Variants in DNMT3B observed in about 807,000 individuals in gnomAD.
DNMT3B encodes DNA methyltransferase 3 beta, also known as DNA (cytosine-5)-methyltransferase 3B.
In DNMT3B, 37 loss-of-function variants were observed where a neutral mutation model predicts 120.2. That is an observed-to-expected ratio of 0.31 (90% CI 0.24 to 0.40). The LOEUF (loss-of-function observed/expected upper bound fraction) is 0.40. DNMT3B is among the 10% of genes least tolerant of loss of function. The pLI, the probability that DNMT3B is intolerant of heterozygous loss-of-function variation, is 1.00. For missense variants in DNMT3B, 878 were observed against 1,137.3 expected (o/e 0.77, Z 3.28); for synonymous variants, 412 against 442.8 (o/e 0.93, Z 0.87).
intron 4 of DNMT3B, among the ~76,000 whole-genome samples, chr20:32,785,201 G>A (rs1460952055): frequency 2.0e-5 from 3 of 151,840 alleles, no homozygotes; most frequent in Non-Finnish European, 2.9e-5. Flanking sequence ...CACCACACCC[G>A]GCCAGTTTTT....
At position 32,781,432 on chromosome 20, in the gene DNMT3B, C is replaced by G. The variant is rs1416236344; in HGVS notation, c.204+18C>G. 3.7e-6 allele frequency: 6 copies of G among 1,613,968 alleles called. No homozygotes were observed. The highest frequency in any genetic ancestry group is 3.4e-6 in the Non-Finnish European group (4 of 1,179,938). On this transcript the variant is annotated intron_variant, in intron 3 of 22. Transcript: ENST00000328111. The stretch of plus-strand genomic sequence containing the variant: ...ACACACAGGTATGGTCTCTGCTCTC[C>G]CTTTTTCAGGGCTCAGGGACTTTGT...
At position 32,780,438 on chromosome 20, in the gene DNMT3B, G is replaced by C. The variant is rs374913902; in HGVS notation, c.115G>C (p.Glu39Gln). The change falls in exon 2 of 23, where the codon GAG (glutamate) becomes CAG (glutamine). Residue 39 changes from glutamate (E) to glutamine (Q), a missense_variant. By Grantham distance (29) the Glu-to-Gln change is conservative. Coordinates refer to ENST00000328111, the MANE Select transcript of DNMT3B (RefSeq NM_006892.4). ...DQSSDSPPIL[E>Q]AIRTPEIRGR... ...GTCCTCCGACTCGCCCCCAATCCTG[G>C]AGGCTATCCGCACCCCGGAGATCAG... 6.1e-5 allele frequency: 99 copies of C among 1,613,480 alleles called. No individual in the cohort carries two copies. Among genetic ancestry groups the C allele is most frequent in the Middle Eastern group, 1.6e-4 (1 of 6,084 alleles).
At position 32,786,506 on chromosome 20, in the gene DNMT3B, G is replaced by C; in HGVS notation, c.311G>C (p.Arg104Pro). Residue 104 changes from arginine (R) to proline (P), a missense_variant, in exon 5 of 23, where the codon CGA becomes CCA. Transcript: ENST00000328111. ...TRTRSESPAV[R>P]TRNNNSVSSR... is the part of the protein sequence containing the mutation. The stretch of plus-strand genomic sequence containing the variant: ...AGTGTCCTCTCTTGCTTCTAGGTCC[G>C]AACTCGAAATAACAACAGTGTCTCC... The C allele has an allele frequency of 6.2e-7, 1 of 1,613,994 alleles. No homozygotes were observed.
At chr20:32,806,925 T>C (rs1982045300) in intron 22 of DNMT3B, among the ~76,000 whole-genome samples, 1 of 152,246 alleles carries the variant, frequency 6.6e-6, no homozygotes, top group Non-Finnish European at 1.5e-5. Context: ...GGCTTTGATA[T>C]AGAGTATTTT....
intron 21 of DNMT3B, 100 bp downstream of exon 21, chr20:32,805,507 C>A: frequency 1.5e-6 from 2 of 1,379,158 alleles, no homozygotes; most frequent in Non-Finnish European, 2.0e-6. Flanking sequence ...ACTCCTCCCC[C>A]CACGTGACTT....
chr20:32,796,702 G>C, intron 12 of DNMT3B, 88 bp from the exon 13 acceptor site: 1 of 1,449,874 alleles, frequency 6.9e-7, no homozygotes, highest in South Asian at 1.1e-5. Flanking sequence ...GGCCTGGAGG[G>C]AAATCTTAGG....
intron 1 of DNMT3B, among the ~76,000 whole-genome samples, chr20:32,769,031 T>C (rs1987556983): frequency 6.6e-6 from 1 of 152,196 alleles, no homozygotes; most frequent in Admixed American, 6.5e-5. Context: ...TAAATATGAT[T>C]GTTACTACAA....
intron 7 of DNMT3B, among the ~76,000 whole-genome samples, chr20:32,790,856 G>T (rs1979893816): frequency 6.6e-6 from 1 of 152,142 alleles, no homozygotes; most frequent in African/African-American, 2.4e-5. Flanking sequence ...TAGAGATGGG[G>T]TCTTGCTGTG....
chr20:32,770,845 C>T (rs1238031175), intron 1 of DNMT3B, among the ~76,000 whole-genome samples: 3 of 152,212 alleles, frequency 2.0e-5, no homozygotes, highest in East Asian at 1.9e-4. Flanking sequence ...CCCCTGACCT[C>T]GGGTGATCTG....
intron 1 of DNMT3B, among the ~76,000 whole-genome samples, chr20:32,769,733 A>G (rs1364304203): frequency 1.3e-5 from 2 of 152,140 alleles, no homozygotes; most frequent in African/African-American, 4.8e-5. Context: ...CCAGAATGTC[A>G]TATAAATGGA....
chr20:32,782,670 A>G (rs146914521), intron 3 of DNMT3B, among the ~76,000 whole-genome samples: 232 of 152,324 alleles, frequency 1.5e-3, no homozygotes, highest in African/African-American at 5.3e-3. Flanking sequence ...CTATTTTATT[A>G]TTAGTTGTTA....
At chr20:32,765,009 C>T (rs951215148) in intron 1 of DNMT3B, among the ~76,000 whole-genome samples, 1 of 152,192 alleles carries the variant, frequency 6.6e-6, no homozygotes, top group African/African-American at 2.4e-5. Flanking sequence ...GAAAACTTAC[C>T]TTGGGATTCC....
chr20:32,806,107 G>A (rs897534294), intron 21 of DNMT3B, 102 bp from the exon 22 acceptor site: 21 of 1,074,090 alleles, frequency 2.0e-5, no homozygotes, highest in African/African-American at 4.7e-5. Context: ...CTCTTCTGCC[G>A]CACCTGCGCT....
rs141329174 is a variant in DNMT3B at position 32,786,606 on chromosome 20, C to T, written c.411C>T (p.Pro137=). ...GCCGCAACCATGTGGACGAGTCCCCCGTGGAGTTCCCGGCTACCAGGGTTG... is the reference window on the plus strand; with the variant it reads ...GCCGCAACCATGTGGACGAGTCCCCTGTGGAGTTCCCGGCTACCAGGGTTG... ...RQGRNHVDES[P]VEFPATRSLR... The change falls in exon 5 of 23, where the codon CCC becomes CCT. Residue 137 remains proline (P), a synonymous_variant. Coordinates refer to ENST00000328111, the MANE Select transcript of DNMT3B (RefSeq NM_006892.4). The T allele has an allele frequency of 1.2e-4, 191 of 1,613,938 alleles. No individual in the cohort carries two copies. In the African/African-American group the frequency reaches 1.8e-3, roughly 15 times the overall value.
At chr20:32,797,754 G>A (rs1980816849) in intron 14 of DNMT3B, among the ~76,000 whole-genome samples, 2 of 151,900 alleles carry the variant, frequency 1.3e-5, no homozygotes, top group African/African-American at 2.4e-5. Flanking sequence ...CTGCCTCCAG[G>A]GTACAAGCAA....
Position 32,780,447 on chromosome 20 carries a change from C to T in DNMT3B, c.124C>T (p.Arg42Cys), listed in dbSNP as rs150200553. 1.5e-4 allele frequency: 248 copies of T among 1,613,208 alleles called. 1 individual carries two copies. In the African/African-American group the frequency reaches 2.7e-3, roughly 17 times the overall value. ...CTCGCCCCCAATCCTGGAGGCTATC[C>T]GCACCCCGGAGATCAGAGGTGGCTG... is the stretch of plus-strand genomic sequence containing the variant. ...SDSPPILEAIRTPEIRGRRSS... is the reference protein window; with the variant it reads ...SDSPPILEAICTPEIRGRRSS... The change falls in exon 2 of 23, where the codon CGC becomes TGC. Residue 42 changes from arginine (R) to cysteine (C), a missense_variant. Physicochemically the swap from Arg to Cys is radical, Grantham distance 180 (BLOSUM62 -3). This residue lies in a region of DNMT3B where 287 missense variants were observed against 306.2 expected (regional missense o/e 0.94). Transcript: ENST00000328111.
In DNMT3B at chr20:32,786,546, C is replaced by T; in HGVS notation, c.351C>T (p.His117=). ...NNNSVSSRER[H]RPSPRSTRGR... is the part of the protein sequence containing the mutation. ...ACAGTGTCTCCAGCCGGGAGAGGCACAGGCCTTCCCCACGTTCCACCCGAG... is the reference window on the plus strand; with the variant it reads ...ACAGTGTCTCCAGCCGGGAGAGGCATAGGCCTTCCCCACGTTCCACCCGAG... Residue 117 remains histidine, a synonymous_variant, in exon 5 of 23, where the codon CAC becomes CAT. Coordinates refer to ENST00000328111, the MANE Select transcript of DNMT3B (RefSeq NM_006892.4). 1.2e-6 allele frequency: 2 copies of T among 1,614,042 alleles called. No homozygotes were observed. Among genetic ancestry groups the T allele is most frequent in the Non-Finnish European group, 1.7e-6 (2 of 1,180,054 alleles).
In DNMT3B at chr20:32,784,912, A is replaced by T; in HGVS notation, c.306+53A>T. 4 of 1,553,076 alleles carry T rather than the reference A, an allele frequency of 2.6e-6. No homozygotes were observed. The South Asian group carries it at 4.5e-5, about 17-fold the overall frequency. On this transcript the variant is annotated intron_variant, in intron 4 of 22. Transcript: ENST00000328111. ...ACTTGTGGCCAACACTCTACATAGCATACATAGCATGCTACATACATAGCA... is the reference window on the plus strand; with the variant it reads ...ACTTGTGGCCAACACTCTACATAGCTTACATAGCATGCTACATACATAGCA...
At chr20:32,804,490 T>C (rs1449721224) in intron 20 of DNMT3B, among the ~76,000 whole-genome samples, 2 of 152,196 alleles carry the variant, frequency 1.3e-5, no homozygotes, top group Non-Finnish European at 2.9e-5. Context: ...TTCTCATGTC[T>C]GAGTTGTTTG....
Sources: gnomAD v4.1 joint callset for allele counts (sites outside exome capture counted in the v4.1 genomes callset) on GRCh38, gnomAD v4.1.1 for gene constraint, gnomAD v4.1.1 regional missense constraint, MANE v1.5 for transcripts, NCBI Gene and HGNC (gene_info 2026-07-23, HGNC 2026-07-21) for gene names.